The following P3R3URF variants were observed in gnomAD, a reference collection of about 807,000 sequenced individuals.
P3R3URF encodes the protein P3R3URF protein.
Under a neutral mutation model 8.0 loss-of-function variants are expected in P3R3URF, and 6 were observed. The ratio of observed to expected loss-of-function variants is 0.75; its 90% CI spans 0.41 to 1.47. P3R3URF has a LOEUF of 1.47. Among genes scored for constraint, P3R3URF ranks in the 40% most tolerant of loss-of-function variants. P3R3URF has a pLI of 0.01. For missense variants in P3R3URF, 121 were observed against 117.3 expected (o/e 1.03, Z -0.14); for synonymous variants, 39 against 36.7 (o/e 1.06, Z -0.23).
rs189125158 is a variant in P3R3URF at position 46,176,450 on chromosome 1, G to A, written c.22C>T (p.Arg8Cys). The change falls in exon 1 of 2, where the codon CGT (arginine) becomes TGT (cysteine). Residue 8 changes from arginine to cysteine, a missense_variant. Transcript: ENST00000506599. The stretch of plus-strand genomic sequence containing the variant: ...CGCATGCCCTGGGGCCGAGGGCCAC[G>A]GACAAGCCGAGATGGCCCCATGGGC... The part of the protein sequence containing the change: MGPSRLV[R>C]GPRPQGMRSP... The A allele has an allele frequency of 4.4e-5, 67 of 1,535,762 alleles. No homozygotes were observed. In the East Asian group the frequency reaches 9.3e-4, roughly 21 times the overall value.
At position 46,176,480 on chromosome 1, in the gene P3R3URF, G is replaced by T; in HGVS notation, c.-9C>A. ...AGCCGAGATGGCCCCATGGGCACAG[G>T]GAGCTTCTGCAGTGTGCCTGGGGGG... is the stretch of plus-strand genomic sequence containing the variant. On this transcript the variant is annotated 5_prime_UTR_variant, in exon 1 of 2. Transcript: ENST00000506599. 2 of 1,535,490 alleles carry T rather than the reference G, an allele frequency of 1.3e-6. No individual in the cohort carries two copies. Among genetic ancestry groups the T allele is most frequent in the Non-Finnish European group, 1.7e-6 (2 of 1,146,766 alleles).
Position 46,176,422 on chromosome 1 carries a change from G to T in P3R3URF, c.50C>A (p.Ser17Tyr). ...GCCCATACCTGGCCTGCGGTAGGGG[G>T]AACGCATGCCCTGGGGCCGAGGGCC... Reference protein sequence around the residue: ...VRGPRPQGMRSPYRRPGMGWP... With the variant: ...VRGPRPQGMRYPYRRPGMGWP... The change falls in exon 1 of 2, where the codon TCC (serine) becomes TAC (tyrosine). Residue 17 changes from serine (S) to tyrosine (Y), a missense_variant. Transcript: ENST00000506599. 1.3e-6 allele frequency: 2 copies of T among 1,535,744 alleles called. No individual in the cohort carries two copies. The highest frequency in any genetic ancestry group is 1.7e-6 in the Non-Finnish European group (2 of 1,146,894).
chr1:46,176,164 C>A (rs555541930), intron 1 of P3R3URF, 64 bp downstream of exon 1: 4 of 1,519,832 alleles, frequency 2.6e-6, no homozygotes, highest in South Asian at 2.4e-5. Flanking sequence ...CATGAGCCAC[C>A]GCACCCAGCC....
rs747354075 is a variant in P3R3URF at position 46,176,230 on chromosome 1, T to C, written c.242A>G (p.Gln81Arg). Residue 81 changes from glutamine to arginine, a missense_variant and splice_region_variant, in exon 1 of 2, where the codon CAA becomes CGA. Coordinates refer to ENST00000506599, the MANE Select transcript of P3R3URF (RefSeq NM_001328655.2). ...GGCTCACAGGCCCCCTGGCTAACCT[T>C]GAGGTGGGAAGATCCACACTATGGT... ...DTTIVWIFPP[Q>R]VLRHLRQPGI... is the part of the protein sequence containing the mutation. The C allele has an allele frequency of 1.9e-5, 29 of 1,535,292 alleles. No homozygotes were observed. The South Asian group carries it at 3.5e-4, about 18-fold the overall frequency.
chr1:46,176,060 A>G (rs989253937), intron 1 of P3R3URF, among the ~76,000 whole-genome samples, 168 bp downstream of exon 1: 10 of 152,140 alleles, frequency 6.6e-5, no homozygotes, highest in Non-Finnish European at 1.5e-4. Flanking sequence ...TATTTTTAGT[A>G]GAGATGGGAT....
intron 1 of P3R3URF, chr1:46,175,985 G>A: frequency 1.9e-6 from 1 of 532,680 alleles, no homozygotes; most frequent in Non-Finnish European, 3.3e-6. Context: ...CAATTCTCCT[G>A]CCTCAGCCTC....
At chr1:46,176,095 T>C (rs1184533506) in intron 1 of P3R3URF, 133 bp downstream of exon 1, 10 of 961,312 alleles carry the variant, frequency 1.0e-5, no homozygotes, top group Non-Finnish European at 1.5e-5. Context: ...CAGGATGGTC[T>C]CGATCTCCTG....
chr1:46,176,292 G>A lies in P3R3URF; in HGVS notation c.180C>T (p.Thr60=), dbSNP rs980322460. The stretch of plus-strand genomic sequence containing the variant: ...GGGTGTTGTTGATACCCATGGCCCT[G>A]GTGGCAGGATTGATGGCTGCACTGC... ...TASSAAINPA[T]RAMGINNTHT... Residue 60 remains threonine, a synonymous_variant, in exon 1 of 2, where the codon ACC becomes ACT. Transcript: ENST00000506599. 3 of 1,535,788 alleles carry A rather than the reference G, an allele frequency of 2.0e-6. No homozygotes were observed. Among genetic ancestry groups the A allele is most frequent in the Non-Finnish European group, 2.6e-6 (3 of 1,146,912 alleles).
At position 46,175,613 on chromosome 1, in the gene P3R3URF, C is replaced by T; in HGVS notation, c.261G>A (p.Arg87=). The T allele has an allele frequency of 2.5e-6, 1 of 399,062 alleles. No individual in the cohort carries two copies. 24.7% of individuals were successfully genotyped at this position (399,062 alleles called of 1,614,324 possible). The change falls in exon 2 of 2, where the codon AGG becomes AGA. Residue 87 remains arginine, a synonymous_variant. Coordinates refer to ENST00000506599, the MANE Select transcript of P3R3URF (RefSeq NM_001328655.2). The stretch of plus-strand genomic sequence containing the variant: ...AGAGGATCAGAAAAATCCCAGGTTG[C>T]CTGAGATGTCTGAGAACTGAGGAGA... ...IFPPQVLRHL[R]QPGIFLIL is the part of the protein sequence containing the mutation.
rs1408602833 is a variant in P3R3URF at position 46,176,419 on chromosome 1, G to T, written c.53C>A (p.Pro18His). ...RGPRPQGMRS[P>H]YRRPGMGWPR... Reference sequence around the variant, plus strand: ...CCAGCCCATACCTGGCCTGCGGTAGGGGGAACGCATGCCCTGGGGCCGAGG... The same window carrying T: ...CCAGCCCATACCTGGCCTGCGGTAGTGGGAACGCATGCCCTGGGGCCGAGG... Residue 18 changes from proline to histidine, a missense_variant, in exon 1 of 2, where the codon CCC becomes CAC. By Grantham distance (77) the Pro-to-His change is moderately conservative. Transcript: ENST00000506599. 2 of 1,535,772 alleles carry T rather than the reference G, an allele frequency of 1.3e-6. No individual in the cohort carries two copies. The highest frequency in any genetic ancestry group is 3.9e-5 in the Admixed American group (2 of 51,012).
Position 46,176,419 on chromosome 1 carries a change from G to C in P3R3URF, c.53C>G (p.Pro18Arg), listed in dbSNP as rs1408602833. 2.6e-6 allele frequency: 4 copies of C among 1,535,772 alleles called. No homozygotes were observed. Among genetic ancestry groups the C allele is most frequent in the Middle Eastern group, 1.7e-4 (1 of 5,990 alleles). The part of the protein sequence containing the change: ...RGPRPQGMRS[P>R]YRRPGMGWPR... Reference sequence around the variant, plus strand: ...CCAGCCCATACCTGGCCTGCGGTAGGGGGAACGCATGCCCTGGGGCCGAGG... The same window carrying C: ...CCAGCCCATACCTGGCCTGCGGTAGCGGGAACGCATGCCCTGGGGCCGAGG... The change falls in exon 1 of 2, where the codon CCC (proline) becomes CGC (arginine). Residue 18 changes from proline (P) to arginine (R), a missense_variant. Coordinates refer to ENST00000506599, the MANE Select transcript of P3R3URF (RefSeq NM_001328655.2).
rs183532513 is a variant in P3R3URF, at chr1:46,176,018, G to A, written c.244+210C>T. On this transcript the variant is annotated intron_variant, in intron 1 of 1. Transcript: ENST00000506599. ...CTCCCAAGTAGCTGGGACTAAAGGC[G>A]TGTGCCACCACGCCCGGCTAATTTT... 5.9e-5 allele frequency among the ~76,000 whole-genome samples: 9 copies of A among 152,240 alleles called. No homozygotes were observed. In the South Asian group the frequency reaches 6.2e-4, roughly 11 times the overall value.
rs1351023227 is a variant in P3R3URF, at chr1:46,176,422, G to A, written c.50C>T (p.Ser17Phe). The change falls in exon 1 of 2, where the codon TCC becomes TTC. Residue 17 changes from serine (S) to phenylalanine (F), a missense_variant. Coordinates refer to ENST00000506599, the MANE Select transcript of P3R3URF (RefSeq NM_001328655.2). ...GCCCATACCTGGCCTGCGGTAGGGG[G>A]AACGCATGCCCTGGGGCCGAGGGCC... ...VRGPRPQGMR[S>F]PYRRPGMGWP... 4 of 1,535,744 alleles carry A rather than the reference G, an allele frequency of 2.6e-6. No homozygotes were observed. In the Admixed American group the frequency reaches 5.9e-5, roughly 23 times the overall value.
rs2148130475 is a variant in P3R3URF, at chr1:46,176,282, C to T, written c.190G>A (p.Gly64Ser). The change falls in exon 1 of 2, where the codon GGT becomes AGT. Residue 64 changes from glycine (G) to serine (S), a missense_variant. By Grantham distance (56) the Gly-to-Ser change is moderately conservative. Coordinates refer to ENST00000506599, the MANE Select transcript of P3R3URF (RefSeq NM_001328655.2). Reference protein sequence around the residue: ...AAINPATRAMGINNTHTDTTI... With the variant: ...AAINPATRAMSINNTHTDTTI... ...GTGTCAGTGTGGGTGTTGTTGATACCCATGGCCCTGGTGGCAGGATTGATG... is the reference window on the plus strand; with the variant it reads ...GTGTCAGTGTGGGTGTTGTTGATACTCATGGCCCTGGTGGCAGGATTGATG... The T allele has an allele frequency of 9.8e-6, 15 of 1,535,786 alleles. No individual in the cohort carries two copies. The highest frequency in any genetic ancestry group is 9.6e-6 in the Non-Finnish European group (11 of 1,146,912).
At position 46,176,412 on chromosome 1, in the gene P3R3URF, G is replaced by A. The variant is rs1478963643; in HGVS notation, c.60C>T (p.Arg20=). 6.5e-7 allele frequency: 1 copy of A among 1,535,760 alleles called. No individual in the cohort carries two copies. Residue 20 remains arginine, a synonymous_variant, in exon 1 of 2, where the codon CGC becomes CGT. Transcript: ENST00000506599. ...GCCTGGGCCAGCCCATACCTGGCCT[G>A]CGGTAGGGGGAACGCATGCCCTGGG... ...PRPQGMRSPY[R]RPGMGWPRPR...
chr1:46,175,806 A>G (rs1043200754), intron 1 of P3R3URF, 177 bp from the exon 2 acceptor site: 5 of 425,314 alleles, frequency 1.2e-5, no homozygotes, highest in African/African-American at 2.1e-5. Flanking sequence ...TAGGGGTGCT[A>G]TTTCACAGAG....
At position 46,176,309 on chromosome 1, in the gene P3R3URF, C is replaced by T; in HGVS notation, c.163G>A (p.Ala55Thr). 2 of 1,535,804 alleles carry T rather than the reference C, an allele frequency of 1.3e-6. No individual in the cohort carries two copies. The highest frequency in any genetic ancestry group is 2.4e-5 in the South Asian group (2 of 84,070). The change falls in exon 1 of 2, where the codon GCC (alanine) becomes ACC (threonine). Residue 55 changes from alanine (A) to threonine (T), a missense_variant. By Grantham distance (58) the Ala-to-Thr change is moderately conservative (BLOSUM62 0). Transcript: ENST00000506599. Reference sequence around the variant, plus strand: ...ATGGCCCTGGTGGCAGGATTGATGGCTGCACTGCTGGCAGTTCGACCTCGG... The same window carrying T: ...ATGGCCCTGGTGGCAGGATTGATGGTTGCACTGCTGGCAGTTCGACCTCGG... ...GLRGRTASSA[A>T]INPATRAMGI...
intron 1 of P3R3URF, 81 bp downstream of exon 1, chr1:46,176,147 T>C: frequency 6.7e-7 from 1 of 1,482,670 alleles, no homozygotes. Flanking sequence ...AGTGCCGGGA[T>C]TACAGGCATG....
At chr1:46,175,686 C>G (rs1557662060) in intron 1 of P3R3URF, 57 bp from the exon 2 acceptor site, 1 of 399,750 alleles carries the variant, frequency 2.5e-6, no homozygotes, top group Non-Finnish European at 4.4e-6. Flanking sequence ...TGGAAGTTCC[C>G]TGCCTCTTGG....
Sources: allele counts gnomAD v4.1 joint callset (sites outside exome capture counted in the v4.1 genomes callset), GRCh38; gene constraint gnomAD v4.1.1; transcripts MANE v1.5; gene names NCBI Gene and HGNC (gene_info 2026-07-23, HGNC 2026-07-21).